The following CTBS variants were observed in gnomAD, a reference collection of about 807,000 sequenced individuals.
CTBS encodes di-N-acetylchitobiase.
A neutral mutation model predicts 44.3 loss-of-function variants in CTBS; 35 were observed. That is an observed-to-expected ratio of 0.79 (90% CI 0.60 to 1.05). The LOEUF (loss-of-function observed/expected upper bound fraction) is 1.05. CTBS is among the 50% of genes least tolerant of loss of function. The pLI, the probability that CTBS is intolerant of heterozygous loss-of-function variation, is 0.00. For synonymous variants in CTBS, 143 were observed against 168.0 expected (o/e 0.85, Z 1.15); for missense variants, 458 against 475.3 (o/e 0.96, Z 0.34).
chr1:84,559,672 A>G (rs781522493), intron 6 of CTBS, among the ~76,000 whole-genome samples: 9 of 152,252 alleles, frequency 5.9e-5, no homozygotes, highest in Middle Eastern at 3.4e-3. Flanking sequence ...TAACCTTACA[A>G]TGGGAATTTT....
intron 2 of CTBS, 115 bp downstream of exon 2, chr1:84,570,467 G>A: frequency 1.2e-6 from 1 of 825,930 alleles, no homozygotes; most frequent in Non-Finnish European, 1.9e-6. Context: ...ATTAATTATA[G>A]GATCCTAACA....
At position 84,563,846 on chromosome 1, in the gene CTBS, A is replaced by C; in HGVS notation, c.698-14T>G. The C allele has an allele frequency of 6.3e-7, 1 of 1,596,152 alleles. No individual in the cohort carries two copies. Among genetic ancestry groups the C allele is most frequent in the Non-Finnish European group, 8.5e-7 (1 of 1,171,592 alleles). On this transcript the variant is annotated splice_polypyrimidine_tract_variant and intron_variant, in intron 4 of 6. Transcript: ENST00000370630. ...AGTCATTATATCCTAGTCAAGCAGG[A>C]GAGAAAAAGCATATTTGTTTCTCTT...
chr1:84,559,670 C>T (rs949017396), intron 6 of CTBS, among the ~76,000 whole-genome samples: 2 of 152,006 alleles, frequency 1.3e-5, no homozygotes, highest in Non-Finnish European at 2.9e-5. Flanking sequence ...AATAACCTTA[C>T]AATGGGAATT....
chr1:84,563,178 C>G (rs1437466316), intron 6 of CTBS, 79 bp downstream of exon 6: 1 of 998,602 alleles, frequency 1.0e-6, no homozygotes, highest in Non-Finnish European at 1.4e-6. Context: ...GATAGAAATT[C>G]TTGATATCAA....
At chr1:84,568,936 C>A (rs1192364572) in intron 3 of CTBS, among the ~76,000 whole-genome samples, 2 of 152,090 alleles carry the variant, frequency 1.3e-5, no homozygotes, top group Admixed American at 6.6e-5. Flanking sequence ...CCTGCAGAAC[C>A]GTGAGCCAAT....
intron 4 of CTBS, among the ~76,000 whole-genome samples, chr1:84,565,613 G>T (rs976999560): frequency 2.0e-5 from 3 of 152,040 alleles, no homozygotes; most frequent in Non-Finnish European, 4.4e-5. Context: ...ATCTCATCTA[G>T]AAATATACCT....
At chr1:84,573,344 A>G (rs1453184680) in intron 1 of CTBS, among the ~76,000 whole-genome samples, 2 of 152,264 alleles carry the variant, frequency 1.3e-5, no homozygotes, top group Non-Finnish European at 2.9e-5. Context: ...CTGCCGATTC[A>G]TAAGTTGTTC....
intron 6 of CTBS, among the ~76,000 whole-genome samples, chr1:84,562,183 C>G (rs890009029): frequency 6.6e-6 from 1 of 152,096 alleles, no homozygotes; most frequent in Non-Finnish European, 1.5e-5. Context: ...CCAAGAGGGG[C>G]GTACAGTATA....
chr1:84,555,301 A>C, intron 6 of CTBS, 102 bp from the exon 7 acceptor site: 1 of 843,544 alleles, frequency 1.2e-6, no homozygotes, highest in South Asian at 2.5e-5. Flanking sequence ...TAAGAGGGAA[A>C]AAAGTTTCCT....
rs541438603 is a variant in CTBS, at chr1:84,570,764, T to C, written c.178-44A>G. Reference sequence around the variant, plus strand: ...GCACCATCATTTAAACCAAGAATATTATGCTGACCGTCCAAAATACCGTTC... The same window carrying C: ...GCACCATCATTTAAACCAAGAATATCATGCTGACCGTCCAAAATACCGTTC... On this transcript the variant is annotated intron_variant, in intron 1 of 6. Coordinates refer to ENST00000370630, the MANE Select transcript of CTBS (RefSeq NM_004388.3). 23 of 1,587,290 alleles carry C rather than the reference T, an allele frequency of 1.4e-5. 1 individual carries two copies. The South Asian group carries it at 2.3e-4, about 16-fold the overall frequency.
rs1028122270 is a variant in CTBS at position 84,552,560 on chromosome 1, A to G, written c.*2439T>C. Reference sequence around the variant, plus strand: ...AGTATCTGATTCTGTAAAATTTTTGAAAAAAAAATAAGAGACTAATACACT... The same window carrying G: ...AGTATCTGATTCTGTAAAATTTTTGGAAAAAAAATAAGAGACTAATACACT... On this transcript the variant is annotated 3_prime_UTR_variant, in exon 7 of 7. Coordinates refer to ENST00000370630, the MANE Select transcript of CTBS (RefSeq NM_004388.3). 3 of 150,996 alleles carry G rather than the reference A, an allele frequency of 2.0e-5. No individual in the cohort carries two copies. Among genetic ancestry groups the G allele is most frequent in the Admixed American group, 1.3e-4 (2 of 15,114 alleles). The allele number at this position is 150,996 out of a possible 1,614,324, so 9.4% of individuals were successfully genotyped here. A position where few individuals can be genotyped will look rare whatever the true frequency, so the allele number is the denominator to read the frequency against.
At chr1:84,558,293 C>CT (rs369890996) in intron 6 of CTBS, among the ~76,000 whole-genome samples, 2,451 of 145,784 alleles carry the variant, frequency 0.017, 60 homozygotes, top group African/African-American at 0.054. Flanking sequence ...TGCCATTAAA[C>CT]TTTTTTTTTT....
rs1684250215 is a variant in CTBS, at chr1:84,550,875, T to C, written c.*4124A>G. The C allele has an allele frequency of 1.9e-5, 19 of 985,564 alleles. No homozygotes were observed. The highest frequency in any genetic ancestry group is 2.3e-5 in the Non-Finnish European group (19 of 829,400). The allele number at this position is 985,564 out of a possible 1,614,324, so 61.1% of individuals were successfully genotyped here. On this transcript the variant is annotated 3_prime_UTR_variant, in exon 7 of 7. Transcript: ENST00000370630. Reference sequence around the variant, plus strand: ...TCTGATAAACCACTGAGCTCTCCTCTGAACTGACATTTAATTTTTTATGGG... The same window carrying C: ...TCTGATAAACCACTGAGCTCTCCTCCGAACTGACATTTAATTTTTTATGGG...
Position 84,553,043 on chromosome 1 carries a change from A to G in CTBS, c.*1956T>C. The G allele has an allele frequency of 6.6e-7, 1 of 1,524,636 alleles. No individual in the cohort carries two copies. The highest frequency in any genetic ancestry group is 2.5e-5 in the East Asian group (1 of 40,166). The allele number at this position is 1,524,636 out of a possible 1,614,324, so 94.4% of individuals were successfully genotyped here. ...AGTAATTCTTTTTATAGATGAGAAA[A>G]CAAGCAGTTTCAGATTTACGAACAT... On this transcript the variant is annotated 3_prime_UTR_variant, in exon 7 of 7. Coordinates refer to ENST00000370630, the MANE Select transcript of CTBS (RefSeq NM_004388.3).
At position 84,565,947 on chromosome 1, in the gene CTBS, G is replaced by A. The variant is rs2994953; in HGVS notation, c.591C>T (p.Ile197=). ...CAAAGAGGAAGTCACAAGCATCTGC[G>A]ATTCCAGTATAATTATAGCATCTTC... ...IDRRCYNYTG[I]ADACDFLFVM... Residue 197 remains isoleucine, a synonymous_variant, in exon 4 of 7, where the codon ATC becomes ATT. Coordinates refer to ENST00000370630, the MANE Select transcript of CTBS (RefSeq NM_004388.3). 0.26 allele frequency: 419,489 copies of A among 1,594,476 alleles called. 57,029 individuals carry two copies. The highest frequency in any genetic ancestry group is 0.38 in the South Asian group (33,098 of 87,522).
At chr1:84,560,569 G>A (rs1558625938) in intron 6 of CTBS, among the ~76,000 whole-genome samples, 1 of 152,220 alleles carries the variant, frequency 6.6e-6, no homozygotes, top group South Asian at 2.1e-4. Flanking sequence ...TTAAAAGGCA[G>A]AGACCCCTTT....
intron 6 of CTBS, among the ~76,000 whole-genome samples, chr1:84,558,456 A>AT (rs1435158892): frequency 6.7e-5 from 10 of 150,284 alleles, no homozygotes; most frequent in Non-Finnish European, 1.3e-4. Context: ...CGCCCGGCTA[A>AT]TTTTTTTTGT....
At chr1:84,570,879 G>T (rs1193435708) in intron 1 of CTBS, among the ~76,000 whole-genome samples, 159 bp from the exon 2 acceptor site, 1 of 152,194 alleles carries the variant, frequency 6.6e-6, no homozygotes, top group East Asian at 1.9e-4. Flanking sequence ...GGTGGCAGGG[G>T]TAATTAGCCA....
intron 3 of CTBS, among the ~76,000 whole-genome samples, chr1:84,568,662 A>G (rs1443392975): frequency 6.6e-6 from 1 of 152,124 alleles, no homozygotes; most frequent in Non-Finnish European, 1.5e-5. Flanking sequence ...TCTCATGTTG[A>G]ATCGTAATCC....
Sources: allele counts gnomAD v4.1 joint callset (sites outside exome capture counted in the v4.1 genomes callset), GRCh38; gene constraint gnomAD v4.1.1; transcripts MANE v1.5; gene names NCBI Gene and HGNC (gene_info 2026-07-23, HGNC 2026-07-21).